CDH18: variants seen among roughly 807,000 people sequenced by gnomAD.
CDH18 encodes cadherin 18.
Under a neutral mutation model 67.9 loss-of-function variants are expected in CDH18, and 31 were observed. That is an observed-to-expected ratio of 0.46 (90% CI 0.34 to 0.62). The LOEUF (loss-of-function observed/expected upper bound fraction) is 0.62, where lower values mean the gene tolerates loss of function less well. Among genes scored for constraint, CDH18 ranks in the 20% least tolerant of loss-of-function variants. The pLI is 0.01. For missense variants in CDH18, 890 were observed against 975.5 expected (o/e 0.91, Z 1.17); for synonymous variants, 362 against 347.2 (o/e 1.04, Z -0.48).
intron 1 of CDH18, among the ~76,000 whole-genome samples, chr5:20,318,774 A>G (rs1024541914): frequency 2.0e-5 from 3 of 152,154 alleles, no homozygotes; most frequent in African/African-American, 4.8e-5. Context: ...TTAAAAAATT[A>G]TACTTTAAGT....
intron 1 of CDH18, among the ~76,000 whole-genome samples, chr5:20,267,728 T>C (rs979663919): frequency 6.6e-6 from 1 of 152,228 alleles, no homozygotes; most frequent in African/African-American, 2.4e-5. Context: ...GAAACACTAC[T>C]GAATTTTGTA....
intron 1 of CDH18, among the ~76,000 whole-genome samples, chr5:20,382,029 A>G (rs1743950215): frequency 6.6e-6 from 1 of 152,190 alleles, no homozygotes; most frequent in Non-Finnish European, 1.5e-5. Flanking sequence ...AATATTGAAC[A>G]CTAAGCTGTG....
intron 8 of CDH18, among the ~76,000 whole-genome samples, chr5:19,561,909 C>A (rs968073306): frequency 6.6e-6 from 1 of 152,100 alleles, no homozygotes; most frequent in South Asian, 2.1e-4. Context: ...ATTAATCAAT[C>A]TCAGTGTTCT....
intron 2 of CDH18, among the ~76,000 whole-genome samples, chr5:19,937,186 G>A (rs1364099880): frequency 6.6e-6 from 1 of 151,268 alleles, no homozygotes; most frequent in Non-Finnish European, 1.5e-5. Flanking sequence ...GAGGTGGGAA[G>A]GGTCTTTTGT....
At chr5:20,569,617 C>CACAACA (rs574647590) in intron 1 of CDH18, among the ~76,000 whole-genome samples, 12 of 151,832 alleles carry the variant, frequency 7.9e-5, no homozygotes, top group Non-Finnish European at 1.5e-4. Context: ...TCTCAAAAAC[C>CACAACA]ACAACAACAA....
chr5:20,009,858 C>T (rs1217609684), intron 2 of CDH18, among the ~76,000 whole-genome samples: 1 of 152,024 alleles, frequency 6.6e-6, no homozygotes, highest in Non-Finnish European at 1.5e-5. Context: ...ATACTCCATT[C>T]TGGAAGATAC....
chr5:20,411,616 A>T (rs1218530515), intron 1 of CDH18, among the ~76,000 whole-genome samples: 1 of 152,060 alleles, frequency 6.6e-6, no homozygotes, highest in Non-Finnish European at 1.5e-5. Flanking sequence ...ACATGACACA[A>T]AGAAGCTTCT....
intron 1 of CDH18, among the ~76,000 whole-genome samples, chr5:20,436,490 ATC>A (rs1749173147): frequency 6.6e-6 from 1 of 151,874 alleles, no homozygotes. Context: ...AATAAATATA[ATC>A]TGTCAGTAAA....
intron 2 of CDH18, among the ~76,000 whole-genome samples, chr5:20,252,952 C>T (rs986484110): frequency 6.7e-6 from 1 of 149,102 alleles, no homozygotes; most frequent in Non-Finnish European, 1.5e-5. Context: ...AAAAAAAGTG[C>T]ACCAATAAGA....
intron 2 of CDH18, among the ~76,000 whole-genome samples, chr5:20,137,803 T>C (rs1749866700): frequency 6.6e-6 from 1 of 151,902 alleles, no homozygotes; most frequent in African/African-American, 2.4e-5. Flanking sequence ...TTAGTTTTCC[T>C]TCTAACAGTC....
rs535991480 is a variant in CDH18, at chr5:19,607,838, G to GA, written c.811+4595dup. On this transcript the variant is annotated intron_variant, in intron 6 of 12. Transcript: ENST00000382275. The stretch of plus-strand genomic sequence containing the variant: ...CAAACCATAACCAAAAAGAAATGAA[G>GA]AAAAAAAAGAAACCTCTGGAATAGC... Among the ~76,000 whole-genome samples the GA allele has an allele frequency of 4.7e-5, 7 of 150,396 alleles. 1 individual carries two copies. The South Asian group carries it at 1.3e-3, about 27-fold the overall frequency.
At chr5:20,357,594 A>G (rs190071873) in intron 1 of CDH18, among the ~76,000 whole-genome samples, 5 of 152,306 alleles carry the variant, frequency 3.3e-5, no homozygotes, top group African/African-American at 9.6e-5. Flanking sequence ...ATGCAAATCA[A>G]AGCTACAAAT....
intron 1 of CDH18, among the ~76,000 whole-genome samples, chr5:20,264,725 A>ATAAAATAAGTCCAATATTT (rs1364686183): frequency 1.3e-5 from 2 of 152,134 alleles, no homozygotes; most frequent in Non-Finnish European, 2.9e-5. Context: ...GTCACACATA[A>ATAAAATAAGTCCAATATTT]TAAAATAAGT....
At chr5:20,261,544 T>C (rs995236308) in intron 1 of CDH18, among the ~76,000 whole-genome samples, 4 of 152,022 alleles carry the variant, frequency 2.6e-5, no homozygotes, top group African/African-American at 9.7e-5. Flanking sequence ...ATCAGTACCA[T>C]CCTGGCTAAA....
intron 3 of CDH18, among the ~76,000 whole-genome samples, chr5:19,822,591 CA>C (rs1450862296): frequency 1.8e-4 from 27 of 152,106 alleles, no homozygotes; most frequent in Admixed American, 1.8e-3. Flanking sequence ...CCACAAGCCG[CA>C]AAACCAGCAA....
At chr5:19,619,996 A>G (rs62351278) in intron 5 of CDH18, among the ~76,000 whole-genome samples, 8,764 of 152,220 alleles carry the variant, frequency 0.058, 283 homozygotes, top group Non-Finnish European at 0.074. Flanking sequence ...TTTTACTTAT[A>G]AAGAAAAATA....
At chr5:19,822,817 G>A (rs1780014607) in intron 3 of CDH18, among the ~76,000 whole-genome samples, 1 of 152,118 alleles carries the variant, frequency 6.6e-6, no homozygotes, top group Non-Finnish European at 1.5e-5. Flanking sequence ...GATTTGAGAG[G>A]AGGCAACTGG....
At chr5:20,490,925 C>A (rs891726564) in intron 1 of CDH18, among the ~76,000 whole-genome samples, 3 of 151,990 alleles carry the variant, frequency 2.0e-5, no homozygotes, top group African/African-American at 7.2e-5. Context: ...GAATACAAAA[C>A]ATTAAATGAT....
At chr5:20,191,356 T>C (rs1738522733) in intron 2 of CDH18, among the ~76,000 whole-genome samples, 1 of 152,150 alleles carries the variant, frequency 6.6e-6, no homozygotes, top group South Asian at 2.1e-4. Context: ...AAGACCTTTA[T>C]GCCGATAAAA....
Sources: gnomAD v4.1 joint callset for allele counts (sites outside exome capture counted in the v4.1 genomes callset) on GRCh38, gnomAD v4.1.1 for gene constraint, MANE v1.5 for transcripts, NCBI Gene and HGNC (gene_info 2026-07-23, HGNC 2026-07-21) for gene names.